Variants in CTNNA3 observed in about 807,000 individuals in gnomAD.
CTNNA3 encodes catenin alpha-3.
In CTNNA3, 76 loss-of-function variants were observed where a neutral mutation model predicts 95.7. That is an observed-to-expected ratio of 0.79 (90% CI 0.66 to 0.96). CTNNA3 has a LOEUF of 0.96. Among genes scored for constraint, CTNNA3 ranks in the 40% least tolerant of loss-of-function variants. The probability of loss-of-function intolerance (pLI) is 0.00; values close to 1 mark genes in which losing one functional copy is unlikely to be tolerated. For missense variants in CTNNA3, 1,191 were observed against 1,089.8 expected, an observed-to-expected ratio of 1.09 and a Z score of -1.31; for synonymous variants, 431 against 374.4, an observed-to-expected ratio of 1.15 and a Z score of -1.74.
At chr10:66,935,044 C>T (rs993057716) in intron 7 of CTNNA3, among the ~76,000 whole-genome samples, 1 of 152,034 alleles carries the variant, frequency 6.6e-6, no homozygotes, top group African/African-American at 2.4e-5. Context: ...GGGTGGCCCT[C>T]ATGTAGCTAA....
In CTNNA3 at chr10:66,927,389, A is replaced by G; in HGVS notation, c.1048-151865T>C. ...TCTGAACAGTTTCGGGGCTTGCGGA[A>G]GCTGCTGAGTTTACATTTACGGTCT... On this transcript the variant is annotated intron_variant, in intron 7 of 17. Coordinates refer to ENST00000433211, the MANE Select transcript of CTNNA3 (RefSeq NM_013266.4). This position sits in a 1 kb window ranked among gnomAD's most constrained non-coding sequence, Gnocchi z 4.7. The G allele has an allele frequency of 6.2e-7, 1 of 1,614,168 alleles. No individual in the cohort carries two copies. The highest frequency in any genetic ancestry group is 8.5e-7 in the Non-Finnish European group (1 of 1,180,040).
At chr10:67,496,325 G>A (rs10997667) in intron 5 of CTNNA3, among the ~76,000 whole-genome samples, 10,421 of 152,038 alleles carry the variant, frequency 0.069, 432 homozygotes, top group South Asian at 0.14. Context: ...TTATGTTTAC[G>A]GTTAGGAGAA....
rs867842582 is a variant in CTNNA3, at chr10:67,221,039, A to G, written c.580-1169T>C. Among the ~76,000 whole-genome samples, 15 of 152,314 alleles carry G rather than the reference A, an allele frequency of 9.8e-5. No homozygotes were observed. In the Middle Eastern group the frequency reaches 0.01, roughly 104 times the overall value. On this transcript the variant is annotated intron_variant, in intron 5 of 17. Transcript: ENST00000433211. ...GAGATGGACTGACAAGCTGTCACAG[A>G]ACAGAGAAGATTGGGGAGACATAAC... is the stretch of plus-strand genomic sequence containing the variant.
intron 3 of CTNNA3, among the ~76,000 whole-genome samples, chr10:67,581,937 A>C (rs1181939364): frequency 2.0e-5 from 3 of 151,306 alleles, no homozygotes; most frequent in Non-Finnish European, 4.4e-5. Flanking sequence ...CATCTATTTG[A>C]TTCTTCTCTC....
chr10:67,732,836 G>A (rs1341383539), intron 1 of CTNNA3, among the ~76,000 whole-genome samples: 3 of 151,814 alleles, frequency 2.0e-5, no homozygotes, highest in African/African-American at 7.2e-5. Flanking sequence ...TTAAAATTAG[G>A]TTAAAGATGG....
At chr10:66,576,409 G>A (rs1164064398) in intron 10 of CTNNA3, among the ~76,000 whole-genome samples, 2 of 152,030 alleles carry the variant, frequency 1.3e-5, no homozygotes, top group Non-Finnish European at 2.9e-5. Flanking sequence ...AAGGCTTGAT[G>A]TATGAATGAG....
chr10:66,049,256 A>C (rs1377517975), intron 15 of CTNNA3, among the ~76,000 whole-genome samples: 1 of 152,254 alleles, frequency 6.6e-6, no homozygotes, highest in Non-Finnish European at 1.5e-5. Context: ...CATACCAGTT[A>C]GAATAGCTAT....
chr10:67,287,967 A>G (rs1839676867), intron 5 of CTNNA3, among the ~76,000 whole-genome samples: 1 of 152,170 alleles, frequency 6.6e-6, no homozygotes, highest in African/African-American at 2.4e-5. Context: ...CCCTTCTCTA[A>G]TTGACACTGT....
intron 12 of CTNNA3, among the ~76,000 whole-genome samples, chr10:66,364,971 G>A (rs2092701378): frequency 6.6e-6 from 1 of 152,066 alleles, no homozygotes; most frequent in Admixed American, 6.6e-5. Context: ...CTCTATTAAG[G>A]ATCCCTGGTA....
At chr10:66,152,852 A>C (rs78383916) in intron 13 of CTNNA3, among the ~76,000 whole-genome samples, 1 of 151,976 alleles carries the variant, frequency 6.6e-6, no homozygotes, top group Non-Finnish European at 1.5e-5. Flanking sequence ...GAGCTCCAGG[A>C]ATGTGTAAAT....
intron 14 of CTNNA3, among the ~76,000 whole-genome samples, chr10:66,087,339 T>C (rs894138411): frequency 3.3e-5 from 5 of 152,072 alleles, no homozygotes; most frequent in Admixed American, 3.3e-4. Flanking sequence ...ACCCACTCCG[T>C]GTGTATGTGT....
intron 7 of CTNNA3, among the ~76,000 whole-genome samples, chr10:67,085,103 C>T (rs1279312947): frequency 1.3e-5 from 2 of 151,872 alleles, no homozygotes; most frequent in Non-Finnish European, 2.9e-5. Flanking sequence ...TCAATATCTA[C>T]TTTGAACTGT....
intron 5 of CTNNA3, among the ~76,000 whole-genome samples, chr10:67,253,967 G>A (rs919440260): frequency 2.0e-5 from 3 of 152,022 alleles, no homozygotes; most frequent in African/African-American, 7.2e-5. Flanking sequence ...CTATATAAAC[G>A]GCAGTATTCT....
intron 13 of CTNNA3, among the ~76,000 whole-genome samples, chr10:66,112,668 T>C (rs1321745188): frequency 6.6e-6 from 1 of 152,118 alleles, no homozygotes; most frequent in Non-Finnish European, 1.5e-5. Context: ...ATTCTGCTCA[T>C]GGTTTCTAGG....
chr10:66,710,975 C>T (rs982207463), intron 9 of CTNNA3, among the ~76,000 whole-genome samples: 1 of 151,910 alleles, frequency 6.6e-6, no homozygotes, highest in South Asian at 2.1e-4. Flanking sequence ...TTCATCCATG[C>T]CTTGCTGTAG....
intron 10 of CTNNA3, among the ~76,000 whole-genome samples, chr10:66,546,996 G>A (rs1219544197): frequency 6.6e-6 from 1 of 151,946 alleles, no homozygotes; most frequent in African/African-American, 2.4e-5. Flanking sequence ...TTTTTGTTTT[G>A]TTTTTCTTGC....
intron 7 of CTNNA3, among the ~76,000 whole-genome samples, chr10:66,821,361 G>A (rs1211768664): frequency 6.6e-6 from 1 of 152,044 alleles, no homozygotes; most frequent in Non-Finnish European, 1.5e-5. Flanking sequence ...GCATATTCTG[G>A]CTATAAATAT....
At chr10:66,262,886 G>A (rs2091047052) in intron 13 of CTNNA3, among the ~76,000 whole-genome samples, 1 of 151,526 alleles carries the variant, frequency 6.6e-6, no homozygotes. Flanking sequence ...CCACATACTG[G>A]ACTTAAAGTT....
At chr10:66,656,277 T>C (rs185703602) in intron 9 of CTNNA3, among the ~76,000 whole-genome samples, 4 of 152,176 alleles carry the variant, frequency 2.6e-5, no homozygotes, top group Admixed American at 2.6e-4. Flanking sequence ...CAGCAGCAAA[T>C]AACGATTGCT....
Sources: allele counts gnomAD v4.1 joint callset (sites outside exome capture counted in the v4.1 genomes callset), GRCh38; gene constraint gnomAD v4.1.1; non-coding constraint Gnocchi (gnomAD v3.1); transcripts MANE v1.5; gene names NCBI Gene and HGNC (gene_info 2026-07-23, HGNC 2026-07-21).